Variants in MRE11 observed in about 807,000 individuals in gnomAD.
MRE11 encodes double-strand break repair protein MRE11.
A neutral mutation model predicts 91.7 loss-of-function variants in MRE11; 62 were observed. That is an observed-to-expected ratio of 0.68 (90% confidence interval 0.55 to 0.84). The LOEUF is 0.84. Ranked by LOEUF, MRE11 falls within the 40% of genes least tolerant of loss-of-function variation. MRE11 has a pLI of 0.00. For synonymous variants in MRE11, 273 were observed against 271.4 expected (o/e 1.01, Z -0.06); for missense variants, 796 against 852.9 (o/e 0.93, Z 0.83).
At position 94,456,335 on chromosome 11, in the gene MRE11, G is replaced by A. The variant is rs186333183; in HGVS notation, c.1504C>T (p.Arg502Cys). The A allele has an allele frequency of 1.8e-4, 297 of 1,611,336 alleles. No individual in the cohort carries two copies. Among genetic ancestry groups the A allele is most frequent in the Non-Finnish European group, 2.4e-4 (278 of 1,178,020 alleles). Residue 502 changes from arginine (R) to cysteine (C), a missense_variant, in exon 14 of 20, where the codon CGT becomes TGT. By Grantham distance (180) the Arg-to-Cys change is radical (BLOSUM62 -3). Transcript: ENST00000323929. ...ALEDKIDEEVRRFRETRQKNT... is the reference protein window; with the variant it reads ...ALEDKIDEEVCRFRETRQKNT... The stretch of plus-strand genomic sequence containing the variant: ...TTTTGTCTGGTTTCTCTGAAACGAC[G>A]TACCTAGATCATAACAGAGTAAATC...
intron 18 of MRE11, among the ~76,000 whole-genome samples, chr11:94,434,484 T>G (rs762052882): frequency 3.3e-5 from 5 of 152,140 alleles, no homozygotes; most frequent in Non-Finnish European, 7.4e-5. Flanking sequence ...ATTCTTCTCC[T>G]TGGATAATCA....
chr11:94,465,381 ATC>A (rs200726071), intron 10 of MRE11, among the ~76,000 whole-genome samples: 60 of 144,456 alleles, frequency 4.2e-4, no homozygotes, highest in South Asian at 1.3e-3. Context: ...TACCCAGACC[ATC>A]TCTCTCTCTC....
At chr11:94,451,960 C>T (rs1027200295) in intron 14 of MRE11, among the ~76,000 whole-genome samples, 3 of 152,100 alleles carry the variant, frequency 2.0e-5, no homozygotes, top group Admixed American at 6.5e-5. Flanking sequence ...CATCCCAGCA[C>T]TTTGGGAGGC....
intron 10 of MRE11, among the ~76,000 whole-genome samples, chr11:94,466,998 A>C (rs12288857): frequency 1.4e-3 from 215 of 152,366 alleles, no homozygotes; most frequent in African/African-American, 4.9e-3. Flanking sequence ...AATAACTCAG[A>C]GAATGCCCAA....
rs950606102 is a variant in MRE11, at chr11:94,416,131, T to C, written c.*3994A>G. The C allele has an allele frequency of 1.1e-4, 16 of 152,310 alleles. No homozygotes were observed. The highest frequency in any genetic ancestry group is 3.9e-4 in the African/African-American group (16 of 41,556). 9.4% of individuals were successfully genotyped at this position (152,310 alleles called of 1,614,324 possible). A position where few individuals can be genotyped will look rare whatever the true frequency, so the allele number is the denominator to read the frequency against. On this transcript the variant is annotated 3_prime_UTR_variant, in exon 20 of 20. Transcript: ENST00000323929. Reference sequence around the variant, plus strand: ...CGGTGCTGGGATTCTAATTCAACAATTTTTCTTGGTAGTCTTGCCAACAGT... The same window carrying C: ...CGGTGCTGGGATTCTAATTCAACAACTTTTCTTGGTAGTCTTGCCAACAGT...
At chr11:94,510,897 A>G in the MRE11 span, among the ~76,000 whole-genome samples, 3 of 152,228 alleles carry the variant, frequency 2.0e-5, no homozygotes, top group Non-Finnish European at 4.4e-5. Flanking sequence ...CTTAGGCAGA[A>G]TGTGAGCTCA....
At chr11:94,508,757 A>C in the MRE11 span, among the ~76,000 whole-genome samples, 15 of 141,204 alleles carry the variant, frequency 1.1e-4, no homozygotes, top group Admixed American at 8.4e-4. Flanking sequence ...GGCCCACTAC[A>C]TTTACCTTTT....
chr11:94,491,425 A>G (rs1047855918), intron 2 of MRE11, among the ~76,000 whole-genome samples: 1 of 152,236 alleles, frequency 6.6e-6, no homozygotes, highest in Non-Finnish European at 1.5e-5. Context: ...AGACACTTGC[A>G]TGACTCTACT....
intron 19 of MRE11, among the ~76,000 whole-genome samples, chr11:94,422,743 C>T (rs1333545179): frequency 2.7e-5 from 4 of 150,744 alleles, no homozygotes; most frequent in African/African-American, 7.3e-5. Context: ...GATGGAGTTT[C>T]GCTCGTGTTG....
intron 2 of MRE11, among the ~76,000 whole-genome samples, chr11:94,491,235 G>GT (rs966459632): frequency 5.9e-5 from 9 of 152,108 alleles, no homozygotes; most frequent in Non-Finnish European, 1.5e-5. Context: ...GTTATAACCA[G>GT]TTTTACAAAC....
rs1295990390 is a variant in MRE11 at position 94,416,802 on chromosome 11, GC to G, written c.*3322del. 2 of 149,168 alleles carry G rather than the reference GC, an allele frequency of 1.3e-5. No homozygotes were observed. Among genetic ancestry groups the G allele is most frequent in the Non-Finnish European group, 3.0e-5 (2 of 67,598 alleles). The allele number at this position is 149,168 out of a possible 1,614,324, so 9.2% of individuals were successfully genotyped here. On this transcript the variant is annotated 3_prime_UTR_variant, in exon 20 of 20. Transcript: ENST00000323929. ...GGAGCTTGCAGTGAGCCGAAATGGT[GC>G]CCCTGCCCTCCAGCCTGGGCAAGAG...
intron 4 of MRE11, among the ~76,000 whole-genome samples, chr11:94,485,297 G>T (rs1947111642): frequency 6.6e-6 from 1 of 151,580 alleles, no homozygotes. Context: ...ATAATATAGG[G>T]ATTGACAAAT....
At chr11:94,508,876 C>A in the MRE11 span, among the ~76,000 whole-genome samples, 3 of 152,020 alleles carry the variant, frequency 2.0e-5, no homozygotes, top group African/African-American at 7.3e-5. Context: ...ATTCTCCTGC[C>A]TCAGCCTCCC....
In MRE11 at chr11:94,445,845, G is replaced by A. The variant is rs2134895988; in HGVS notation, c.1832C>T (p.Ala611Val). The A allele has an allele frequency of 6.2e-7, 1 of 1,613,502 alleles. No individual in the cohort carries two copies. Among genetic ancestry groups the A allele is most frequent in the Non-Finnish European group, 8.5e-7 (1 of 1,179,486 alleles). The change falls in exon 16 of 20, where the codon GCT (alanine) becomes GTT (valine). Residue 611 changes from alanine to valine, a missense_variant. By Grantham distance (64) the Ala-to-Val change is moderately conservative (BLOSUM62 0). Coordinates refer to ENST00000323929, the MANE Select transcript of MRE11 (RefSeq NM_005591.4). The stretch of plus-strand genomic sequence containing the variant: ...AGACATATTTCTAGATGCTGACACA[G>A]CAGTCTTTGAGTTCCTGCTACGGGT... The part of the protein sequence containing the change: ...TSTRSRNSKT[A>V]VSASRNMSII...
In MRE11 at chr11:94,478,813, A is replaced by G; in HGVS notation, c.466T>C (p.Ser156Pro). 6.2e-7 allele frequency: 1 copy of G among 1,613,860 alleles called. No homozygotes were observed. ...CAGFVNHFGR[S>P]MSVEKIDISP... ...ATGTCTATCTTCTCCACAGACATTG[A>G]ACGTCCAAAGTGATTTACAAATCCA... Residue 156 changes from serine to proline, a missense_variant, in exon 6 of 20, where the codon TCA (serine) becomes CCA (proline). By Grantham distance (74) the Ser-to-Pro change is moderately conservative (BLOSUM62 -1). Transcript: ENST00000323929.
Position 94,416,828 on chromosome 11 carries a change from G to C in MRE11, c.*3297C>G, listed in dbSNP as rs1428823000. 2 of 149,044 alleles carry C rather than the reference G, an allele frequency of 1.3e-5. No individual in the cohort carries two copies. The highest frequency in any genetic ancestry group is 2.1e-4 in the South Asian group (1 of 4,720). 9.2% of individuals were successfully genotyped at this position (149,044 alleles called of 1,614,324 possible). A position where few individuals can be genotyped will look rare whatever the true frequency, so the allele number is the denominator to read the frequency against. ...CCCCTGCCCTCCAGCCTGGGCAAGAGTGCGAGACTCCGTCTCAAAAAAAAA... is the reference window on the plus strand; with the variant it reads ...CCCCTGCCCTCCAGCCTGGGCAAGACTGCGAGACTCCGTCTCAAAAAAAAA... On this transcript the variant is annotated 3_prime_UTR_variant, in exon 20 of 20. Coordinates refer to ENST00000323929, the MANE Select transcript of MRE11 (RefSeq NM_005591.4).
At chr11:94,481,886 G>T (rs988736609) in intron 4 of MRE11, among the ~76,000 whole-genome samples, 1 of 152,048 alleles carries the variant, frequency 6.6e-6, no homozygotes, top group African/African-American at 2.4e-5. Context: ...TACATGAACT[G>T]TGAACTGGAA....
chr11:94,443,928 T>G (rs951142673), intron 16 of MRE11, among the ~76,000 whole-genome samples: 2 of 151,224 alleles, frequency 1.3e-5, no homozygotes, highest in African/African-American at 4.9e-5. Flanking sequence ...ATTTTTTTTT[T>G]TTTTTTTTTT....
chr11:94,445,994 G>C (rs1945919327), intron 15 of MRE11, 101 bp from the exon 16 acceptor site: 2 of 897,944 alleles, frequency 2.2e-6, no homozygotes, highest in Admixed American at 3.6e-5. Context: ...ATGTCAAATA[G>C]TTTGTCTGTA....
Sources: allele counts gnomAD v4.1 joint callset (sites outside exome capture counted in the v4.1 genomes callset), GRCh38; gene constraint gnomAD v4.1.1; transcripts MANE v1.5; gene names NCBI Gene and HGNC (gene_info 2026-07-23, HGNC 2026-07-21).